PNPLA8: variants seen among roughly 807,000 people sequenced by gnomAD.
The protein encoded by PNPLA8 is calcium-independent phospholipase A2-gamma.
In PNPLA8, 39 loss-of-function variants were observed where a neutral mutation model predicts 76.9. The ratio of observed to expected loss-of-function variants is 0.51; its 90% CI spans 0.39 to 0.66. PNPLA8 has a LOEUF of 0.66. PNPLA8 is among the 30% of genes least tolerant of loss of function. PNPLA8 has a pLI of 0.00. For missense variants in PNPLA8, 887 were observed against 918.0 expected, an observed-to-expected ratio of 0.97 and a Z score of 0.44; for synonymous variants, 301 against 307.9, an observed-to-expected ratio of 0.98 and a Z score of 0.24.
chr7:108,511,586 A>G (rs779101879), intron 4 of PNPLA8, among the ~76,000 whole-genome samples: 2 of 152,208 alleles, frequency 1.3e-5, no homozygotes, highest in Non-Finnish European at 2.9e-5. Flanking sequence ...CTGCCTGTTA[A>G]CCAGCCTAAT....
chr7:108,527,261 T>C (rs1251054744), upstream of PNPLA8, among the ~76,000 whole-genome samples: 1 of 152,184 alleles, frequency 6.6e-6, no homozygotes, highest in Non-Finnish European at 1.5e-5. Context: ...GTTACCCTGA[T>C]AGTTGTGTTG....
At chr7:108,489,601 T>C (rs574841093) in intron 8 of PNPLA8, among the ~76,000 whole-genome samples, 4 of 152,330 alleles carry the variant, frequency 2.6e-5, no homozygotes, top group African/African-American at 9.6e-5. Flanking sequence ...AATACCTATG[T>C]TGCCCTACAG....
chr7:108,484,732 A>G (rs1011076195), intron 9 of PNPLA8, among the ~76,000 whole-genome samples: 3 of 152,190 alleles, frequency 2.0e-5, no homozygotes, highest in Admixed American at 6.5e-5. Context: ...ACATATATTG[A>G]TGATTAAATT....
chr7:108,470,981 TG>T lies in PNPLA8; in HGVS notation c.*1419del, dbSNP rs1373098531. On this transcript the variant is annotated 3_prime_UTR_variant, in exon 11 of 11. Coordinates refer to ENST00000257694, the MANE Select transcript of PNPLA8 (RefSeq NM_001256007.3). ...ATTGCAAAGAAGCAATATGACTATC[TG>T]GGCAACAGGGTCTAGCTTTAGTTTG... 2 of 152,184 alleles carry T rather than the reference TG, an allele frequency of 1.3e-5. No individual in the cohort carries two copies. The highest frequency in any genetic ancestry group is 2.4e-5 in the African/African-American group (1 of 41,436). 9.4% of individuals were successfully genotyped at this position (152,184 alleles called of 1,614,324 possible).
At chr7:108,518,889 T>C (rs1311411358) in intron 2 of PNPLA8, among the ~76,000 whole-genome samples, 1 of 151,734 alleles carries the variant, frequency 6.6e-6, no homozygotes, top group African/African-American at 2.4e-5. Context: ...TTTATTCTTA[T>C]GAACTAAGGC....
rs143487853 is a variant in PNPLA8 at position 108,523,400 on chromosome 7, A to G, written c.-129-1879T>C. On this transcript the variant is annotated intron_variant, in intron 1 of 10. Transcript: ENST00000257694. ...AATTCAGAAACAATTAGACTTCTCT[A>G]TTAGCTAAAGCCGGCATCTGGTACC... Among the ~76,000 whole-genome samples the G allele has an allele frequency of 2.0e-3, 299 of 151,358 alleles. 1 individual carries two copies. The highest frequency in any genetic ancestry group is 5.0e-3 in the African/African-American group (205 of 40,950).
intron 7 of PNPLA8, chr7:108,496,362 A>T: frequency 2.8e-6 from 1 of 357,092 alleles, no homozygotes; most frequent in Non-Finnish European, 5.0e-6. Context: ...CAACTTTTAC[A>T]TGCAAATCTC....
At chr7:108,524,676 G>C (rs1023231899) in intron 1 of PNPLA8, among the ~76,000 whole-genome samples, 1 of 152,058 alleles carries the variant, frequency 6.6e-6, no homozygotes, top group African/African-American at 2.4e-5. Flanking sequence ...AAAATTAGCC[G>C]GGTGTGGTTG....
chr7:108,524,747 C>A (rs1863965346), intron 1 of PNPLA8, among the ~76,000 whole-genome samples: 1 of 152,090 alleles, frequency 6.6e-6, no homozygotes, highest in Admixed American at 6.5e-5. Flanking sequence ...TTGAACCTTG[C>A]AGTGAGTCGA....
In PNPLA8 at chr7:108,511,539, A is replaced by C. The variant is rs1260683334; in HGVS notation, c.1206+2605T>G. Among the ~76,000 whole-genome samples, 4 of 152,210 alleles carry C rather than the reference A, an allele frequency of 2.6e-5. No homozygotes were observed. The East Asian group carries it at 7.7e-4, about 29-fold the overall frequency. The stretch of plus-strand genomic sequence containing the variant: ...GAGGAACACTTCAAATAACACTGAG[A>C]AGGAAGAAGGCAGGTACATCCAGAA... On this transcript the variant is annotated intron_variant, in intron 4 of 10. Coordinates refer to ENST00000257694, the MANE Select transcript of PNPLA8 (RefSeq NM_001256007.3).
At chr7:108,489,639 C>T (rs1860995805) in intron 8 of PNPLA8, among the ~76,000 whole-genome samples, 1 of 152,134 alleles carries the variant, frequency 6.6e-6, no homozygotes. Flanking sequence ...CTGCATTTGC[C>T]CACAAATGAA....
At chr7:108,516,023 G>T (rs994376554) in intron 2 of PNPLA8, among the ~76,000 whole-genome samples, 2 of 152,148 alleles carry the variant, frequency 1.3e-5, no homozygotes, top group Admixed American at 6.5e-5. Flanking sequence ...ACCAGACATG[G>T]TGCTAGATGC....
intron 9 of PNPLA8, chr7:108,480,841 G>C: frequency 3.8e-6 from 1 of 264,124 alleles, no homozygotes; most frequent in Admixed American, 4.1e-5. Context: ...TCAAGATACA[G>C]AATAGTTCCA....
intron 5 of PNPLA8, among the ~76,000 whole-genome samples, chr7:108,501,054 C>G (rs1441817196): frequency 6.6e-6 from 1 of 152,052 alleles, no homozygotes; most frequent in Admixed American, 6.6e-5. Flanking sequence ...GAATACAGAA[C>G]CAAGGAATTT....
At position 108,490,035 on chromosome 7, in the gene PNPLA8, C is replaced by T. The variant is rs115676602; in HGVS notation, c.1683+1375G>A. Among the ~76,000 whole-genome samples, 153 of 152,250 alleles carry T rather than the reference C, an allele frequency of 1.0e-3. 2 individuals are homozygous for T. The highest frequency in any genetic ancestry group is 3.4e-3 in the African/African-American group (140 of 41,544). On this transcript the variant is annotated intron_variant, in intron 8 of 10. Coordinates refer to ENST00000257694, the MANE Select transcript of PNPLA8 (RefSeq NM_001256007.3). ...GATGGACCGCATATACAACAGTGGTCCCATAAGACTATAAACGGGCTTCTA... is the reference window on the plus strand; with the variant it reads ...GATGGACCGCATATACAACAGTGGTTCCATAAGACTATAAACGGGCTTCTA...
At chr7:108,496,331 T>C (rs997974156) in intron 7 of PNPLA8, 6 of 316,132 alleles carry the variant, frequency 1.9e-5, no homozygotes, top group Non-Finnish European at 3.4e-5. Context: ...AAGTATCTCA[T>C]ATTTTTAAAA....
chr7:108,497,917 G>A (rs1426124090), intron 5 of PNPLA8, among the ~76,000 whole-genome samples: 4 of 149,810 alleles, frequency 2.7e-5, no homozygotes, highest in South Asian at 4.2e-4. Context: ...TAATCCCAGC[G>A]CTTTGGGAGG....
At chr7:108,477,726 C>T (rs748751292) in intron 10 of PNPLA8, among the ~76,000 whole-genome samples, 3 of 151,934 alleles carry the variant, frequency 2.0e-5, no homozygotes, top group Non-Finnish European at 2.9e-5. Flanking sequence ...TAGCTGGGTG[C>T]AATGGTATGC....
At chr7:108,500,976 G>A (rs1231332013) in intron 5 of PNPLA8, among the ~76,000 whole-genome samples, 2 of 152,000 alleles carry the variant, frequency 1.3e-5, no homozygotes, top group Non-Finnish European at 2.9e-5. Flanking sequence ...CACCATCTGA[G>A]GTTAGCTTCC....
Sources: gnomAD v4.1 joint callset for allele counts (sites outside exome capture counted in the v4.1 genomes callset) on GRCh38, gnomAD v4.1.1 for gene constraint, MANE v1.5 for transcripts, NCBI Gene and HGNC (gene_info 2026-07-23, HGNC 2026-07-21) for gene names.